Variants in CACNA2D1 observed in about 807,000 individuals in gnomAD.
CACNA2D1 encodes the protein calcium voltage-gated channel auxiliary subunit alpha2delta 1.
A neutral mutation model predicts 171.5 loss-of-function variants in CACNA2D1; 53 were observed. The observed-to-expected ratio is 0.31, with a 90% CI of 0.25 to 0.39. CACNA2D1 has a LOEUF of 0.39. CACNA2D1 is among the 10% of genes least tolerant of loss of function. The probability of loss-of-function intolerance (pLI) is 1.00; values close to 1 mark genes in which losing one functional copy is unlikely to be tolerated. For missense variants in CACNA2D1, 903 were observed against 1,299.8 expected (o/e 0.69, Z 4.69); for synonymous variants, 442 against 443.1 (o/e 1.00, Z 0.03).
chr7:82,339,920 T>G (rs1471146369), intron 2 of CACNA2D1, among the ~76,000 whole-genome samples: 1 of 152,138 alleles, frequency 6.6e-6, no homozygotes, highest in Non-Finnish European at 1.5e-5. Context: ...CCCTAGATAG[T>G]CAGAGTTAGC....
intron 20 of CACNA2D1, 106 bp downstream of exon 20, chr7:81,994,762 T>G (rs1401615929): frequency 1.5e-6 from 1 of 657,848 alleles, no homozygotes; most frequent in African/African-American, 1.8e-5. Flanking sequence ...GAGATCTCCC[T>G]GTTTTATAAG....
At chr7:82,326,736 T>C (rs985881112) in intron 3 of CACNA2D1, among the ~76,000 whole-genome samples, 2 of 145,588 alleles carry the variant, frequency 1.4e-5, no homozygotes, top group African/African-American at 4.9e-5. Flanking sequence ...GTTTCTCCAC[T>C]GTTCCTTACA....
At chr7:82,005,681 T>G in intron 17 of CACNA2D1, 84 bp downstream of exon 17, 1 of 1,022,044 alleles carries the variant, frequency 9.8e-7, no homozygotes, top group Non-Finnish European at 1.6e-6. Context: ...TGCCCATAAT[T>G]TTTGAGAATT....
chr7:82,380,195 C>A (rs546465668), intron 1 of CACNA2D1, among the ~76,000 whole-genome samples: 1 of 152,246 alleles, frequency 6.6e-6, no homozygotes, highest in Admixed American at 6.5e-5. Context: ...AATTTTCTCA[C>A]CTCCAAAGAA....
At chr7:82,187,093 C>A (rs1196916236) in intron 3 of CACNA2D1, among the ~76,000 whole-genome samples, 2 of 151,994 alleles carry the variant, frequency 1.3e-5, no homozygotes, top group Non-Finnish European at 2.9e-5. Flanking sequence ...GTATCTAAAC[C>A]TCACAAATAT....
chr7:82,054,743 T>G (rs188907975), intron 10 of CACNA2D1, among the ~76,000 whole-genome samples: 4 of 152,240 alleles, frequency 2.6e-5, no homozygotes, highest in South Asian at 4.1e-4. Context: ...AAAGACCCTA[T>G]TTGTACCTGG....
intron 3 of CACNA2D1, among the ~76,000 whole-genome samples, chr7:82,214,753 T>G (rs1045785973): frequency 2.0e-5 from 3 of 152,182 alleles, no homozygotes; most frequent in African/African-American, 7.2e-5. Context: ...TTGTAGCAAG[T>G]TAAATATCAA....
chr7:82,286,311 T>C (rs1412226489), intron 3 of CACNA2D1, among the ~76,000 whole-genome samples: 1 of 152,162 alleles, frequency 6.6e-6, no homozygotes, highest in Non-Finnish European at 1.5e-5. Flanking sequence ...GCTTGTCCTC[T>C]GCTCTCTTAC....
chr7:82,022,346 A>G (rs1174822443), intron 12 of CACNA2D1, among the ~76,000 whole-genome samples: 1 of 151,916 alleles, frequency 6.6e-6, no homozygotes, highest in Non-Finnish European at 1.5e-5. Flanking sequence ...TAACTCCAGA[A>G]TAAATACTTG....
chr7:82,167,652 A>T lies in CACNA2D1; in HGVS notation c.354+2898T>A, dbSNP rs533702001. 1.1e-4 allele frequency among the ~76,000 whole-genome samples: 17 copies of T among 152,218 alleles called. No individual in the cohort carries two copies. The South Asian group carries it at 3.5e-3, about 32-fold the overall frequency. ...TTAGATATGGGAAATAGCAATTCTC[A>T]ATGTGCAAACTGTGACAGACCTGTG... On this transcript the variant is annotated intron_variant, in intron 4 of 38. Transcript: ENST00000356860.
chr7:82,125,646 G>A (rs1345520657), intron 5 of CACNA2D1, among the ~76,000 whole-genome samples: 2 of 152,070 alleles, frequency 1.3e-5, no homozygotes, highest in Non-Finnish European at 2.9e-5. Context: ...AGGAGGCCGA[G>A]GTGGGAGGAT....
At chr7:82,139,487 C>T (rs954903911) in intron 4 of CACNA2D1, among the ~76,000 whole-genome samples, 14 of 152,068 alleles carry the variant, frequency 9.2e-5, no homozygotes, top group African/African-American at 3.4e-4. Flanking sequence ...TCTACAAAAT[C>T]TGTTACTTAT....
At chr7:82,320,310 G>C (rs1163026487) in intron 3 of CACNA2D1, among the ~76,000 whole-genome samples, 1 of 152,000 alleles carries the variant, frequency 6.6e-6, no homozygotes, top group African/African-American at 2.4e-5. Flanking sequence ...AAGTCTATTA[G>C]AAATTCTGTT....
intron 1 of CACNA2D1, among the ~76,000 whole-genome samples, chr7:82,363,172 A>T (rs1181631561): frequency 2.0e-5 from 3 of 151,902 alleles, no homozygotes; most frequent in Non-Finnish European, 2.9e-5. Flanking sequence ...CCAAAAGAAC[A>T]CATAAAATAG....
At chr7:81,989,331 G>A (rs1797295214) in intron 21 of CACNA2D1, among the ~76,000 whole-genome samples, 1 of 152,196 alleles carries the variant, frequency 6.6e-6, no homozygotes, top group South Asian at 2.1e-4. Flanking sequence ...TGGGAGTTGA[G>A]TAGAGAAATG....
chr7:82,096,151 T>G (rs867330471), intron 6 of CACNA2D1, among the ~76,000 whole-genome samples: 6 of 152,178 alleles, frequency 3.9e-5, no homozygotes, highest in South Asian at 2.1e-4. Context: ...CACTTTTTCT[T>G]AAAGAACCAG....
At chr7:81,978,876 G>A (rs971446787) in intron 24 of CACNA2D1, among the ~76,000 whole-genome samples, 1 of 150,574 alleles carries the variant, frequency 6.6e-6, no homozygotes, top group South Asian at 2.1e-4. Context: ...GTTAATTGAA[G>A]TGGACATTCA....
At chr7:82,368,615 G>C (rs1822009320) in intron 1 of CACNA2D1, among the ~76,000 whole-genome samples, 1 of 152,054 alleles carries the variant, frequency 6.6e-6, no homozygotes, top group Admixed American at 6.6e-5. Flanking sequence ...CAATTTCCCA[G>C]AGTTGCTAAG....
chr7:82,301,824 C>T (rs1365260522), intron 3 of CACNA2D1, among the ~76,000 whole-genome samples: 1 of 151,654 alleles, frequency 6.6e-6, no homozygotes, highest in Non-Finnish European at 1.5e-5. Context: ...GTTGTGCAAT[C>T]TCAGCTGACT....
Sources: gnomAD v4.1 joint callset for allele counts (sites outside exome capture counted in the v4.1 genomes callset) on GRCh38, gnomAD v4.1.1 for gene constraint, MANE v1.5 for transcripts, NCBI Gene and HGNC (gene_info 2026-07-23, HGNC 2026-07-21) for gene names.